The following DNAJB6 variants were observed in gnomAD, a reference collection of about 807,000 sequenced individuals.
DNAJB6 encodes the protein dnaJ homolog subfamily B member 6.
DNAJB6 carries 16 observed loss-of-function variants against 42.7 expected under a neutral mutation model. That is an observed-to-expected ratio of 0.37 (90% confidence interval 0.25 to 0.57). The LOEUF (loss-of-function observed/expected upper bound fraction) is 0.57. Ranked by LOEUF, DNAJB6 falls within the 20% of genes least tolerant of loss-of-function variation. The pLI is 0.74. For synonymous variants in DNAJB6, 170 were observed against 163.5 expected (o/e 1.04, Z -0.30); for missense variants, 347 against 416.8 (o/e 0.83, Z 1.46).
rs545043645 is a variant in DNAJB6, at chr7:157,382,387, C to T, written c.478+10C>T. ...TCTTCTTTTGATACAGGTATTAAAT[C>T]CCTAGGTTTAATCTCTGTTATCTTA... is the stretch of plus-strand genomic sequence containing the variant. On this transcript the variant is annotated intron_variant, in intron 6 of 9. Transcript: ENST00000262177. 7 of 1,506,480 alleles carry T rather than the reference C, an allele frequency of 4.6e-6. No individual in the cohort carries two copies. The South Asian group carries it at 6.8e-5, about 15-fold the overall frequency. 93.3% of individuals were successfully genotyped at this position (1,506,480 alleles called of 1,614,324 possible).
chr7:157,341,415 C>T (rs766736857), intron 1 of DNAJB6, among the ~76,000 whole-genome samples: 10 of 152,248 alleles, frequency 6.6e-5, no homozygotes, highest in Non-Finnish European at 1.3e-4. Context: ...TGAGCCACTG[C>T]GCCAGGCCAT....
intron 1 of DNAJB6, among the ~76,000 whole-genome samples, chr7:157,348,726 A>G (rs999248292): frequency 2.6e-5 from 4 of 151,880 alleles, no homozygotes; most frequent in African/African-American, 7.3e-5. Flanking sequence ...GAAGAGTCCT[A>G]ATTCCTTAGT....
At position 157,415,923 on chromosome 7, in the gene DNAJB6, C is replaced by T. The variant is rs1009135; in HGVS notation, c.899-93C>T. The T allele has an allele frequency of 0.59, 944,415 of 1,592,404 alleles. 282,398 individuals are homozygous for T. The highest frequency in any genetic ancestry group is 0.76 in the Admixed American group (43,871 of 57,392). On this transcript the variant is annotated intron_variant, in intron 9 of 9. Coordinates refer to ENST00000262177, the MANE Select transcript of DNAJB6 (RefSeq NM_058246.4). ...TGACTTCATTTTGTTGCTTTTTGTTCTTAACATGGGGAGATATTTAGAAAA... is the reference window on the plus strand; with the variant it reads ...TGACTTCATTTTGTTGCTTTTTGTTTTTAACATGGGGAGATATTTAGAAAA...
chr7:157,386,404 G>A, intron 8 of DNAJB6: 1 of 670,060 alleles, frequency 1.5e-6, no homozygotes, highest in Non-Finnish European at 1.8e-6. Flanking sequence ...CATTCAGGTG[G>A]ATGCCGCACC....
chr7:157,338,482 C>T (rs941119619), intron 1 of DNAJB6, among the ~76,000 whole-genome samples: 5 of 152,222 alleles, frequency 3.3e-5, no homozygotes, highest in African/African-American at 9.6e-5. Context: ...TACGGGTGCT[C>T]GCCACCATGT....
At chr7:157,377,258 G>A (rs1800520555) in intron 5 of DNAJB6, among the ~76,000 whole-genome samples, 1 of 152,176 alleles carries the variant, frequency 6.6e-6, no homozygotes, top group Non-Finnish European at 1.5e-5. Flanking sequence ...GGATGGCTTT[G>A]CAGGACAATT....
rs1318724199 is a variant in DNAJB6, at chr7:157,366,640, CAG to C, written c.235+82_235+83del. On this transcript the variant is annotated intron_variant, in intron 4 of 9. Coordinates refer to ENST00000262177, the MANE Select transcript of DNAJB6 (RefSeq NM_058246.4). ...GTTTGTAAATCACGAGTCTCTTGGT[CAG>C]AGTCGATTTTGTATCAGTAAATAGA... is the stretch of plus-strand genomic sequence containing the variant. 20 of 1,363,162 alleles carry C rather than the reference CAG, an allele frequency of 1.5e-5. No homozygotes were observed. The African/African-American group carries it at 2.6e-4, about 18-fold the overall frequency. The allele number at this position is 1,363,162 out of a possible 1,614,324, so 84.4% of individuals were successfully genotyped here.
intron 9 of DNAJB6, chr7:157,414,024 A>C (rs938540744): frequency 6.6e-6 from 1 of 152,102 alleles, no homozygotes; most frequent in African/African-American, 2.4e-5. Flanking sequence ...GCCCGGCAAT[A>C]GTGGAGGCTT....
intron 8 of DNAJB6, among the ~76,000 whole-genome samples, chr7:157,401,840 C>T (rs540291153): frequency 3.3e-5 from 5 of 152,332 alleles, no homozygotes; most frequent in South Asian, 2.1e-4. Context: ...GCCGTCTCCA[C>T]GCGCCCTTCC....
chr7:157,357,835 A>T (rs1035576981), intron 1 of DNAJB6, among the ~76,000 whole-genome samples: 3 of 152,188 alleles, frequency 2.0e-5, no homozygotes, highest in Non-Finnish European at 4.4e-5. Flanking sequence ...CCATAGGGGA[A>T]CTTAGAGAAT....
intron 8 of DNAJB6, among the ~76,000 whole-genome samples, chr7:157,407,880 G>A (rs1234752160): frequency 2.0e-5 from 3 of 152,170 alleles, no homozygotes; most frequent in South Asian, 2.1e-4. Flanking sequence ...AGCCCTCCTC[G>A]CTCCCAGCCT....
At chr7:157,346,606 T>C (rs1452897302) in intron 1 of DNAJB6, among the ~76,000 whole-genome samples, 1 of 152,230 alleles carries the variant, frequency 6.6e-6, no homozygotes, top group Non-Finnish European at 1.5e-5. Context: ...AATACTTCTA[T>C]AGGGAAATAC....
At chr7:157,347,786 A>G (rs1160426783) in intron 1 of DNAJB6, among the ~76,000 whole-genome samples, 1 of 152,130 alleles carries the variant, frequency 6.6e-6, no homozygotes, top group Non-Finnish European at 1.5e-5. Context: ...TCAGGTTATA[A>G]GAAGTTTGTT....
intron 4 of DNAJB6, among the ~76,000 whole-genome samples, chr7:157,366,856 A>T (rs1341802992): frequency 1.3e-5 from 2 of 152,232 alleles, no homozygotes; most frequent in Admixed American, 1.3e-4. Flanking sequence ...AAAATATCCT[A>T]AGGGTTTAAA....
At chr7:157,395,666 T>G (rs1056002527) in intron 8 of DNAJB6, among the ~76,000 whole-genome samples, 6 of 151,940 alleles carry the variant, frequency 3.9e-5, no homozygotes, top group African/African-American at 1.4e-4. Context: ...ACAACATTCA[T>G]TCTACGTTTT....
chr7:157,337,781 A>G (rs1009595428), intron 1 of DNAJB6: 1 of 152,266 alleles, frequency 6.6e-6, no homozygotes, highest in Non-Finnish European at 1.5e-5. Context: ...AGTTTATATA[A>G]GAAGTTTACA....
intron 1 of DNAJB6, among the ~76,000 whole-genome samples, chr7:157,342,949 G>A (rs1040384942): frequency 2.0e-5 from 2 of 97,764 alleles, no homozygotes; most frequent in Non-Finnish European, 4.3e-5. Flanking sequence ...CACTGCTGTG[G>A]GTTTTTTTTT....
intron 1 of DNAJB6, among the ~76,000 whole-genome samples, chr7:157,340,963 G>GCT (rs1305339656): frequency 1.6e-4 from 21 of 135,024 alleles, no homozygotes; most frequent in East Asian, 4.4e-4. Flanking sequence ...ACCGCACCTG[G>GCT]CTGTGTGTGT....
intron 5 of DNAJB6, among the ~76,000 whole-genome samples, chr7:157,374,310 A>G (rs979528102): frequency 6.6e-6 from 1 of 152,188 alleles, no homozygotes; most frequent in African/African-American, 2.4e-5. Context: ...GCCCAGCTGG[A>G]GTGCAGTGGC....
Sources: gnomAD v4.1 joint callset for allele counts (sites outside exome capture counted in the v4.1 genomes callset) on GRCh38, gnomAD v4.1.1 for gene constraint, MANE v1.5 for transcripts, NCBI Gene and HGNC (gene_info 2026-07-23, HGNC 2026-07-21) for gene names.